The following CDH10 variants were observed in gnomAD, a reference collection of about 807,000 sequenced individuals.
CDH10 encodes cadherin 10, also known as cadherin-10.
In CDH10, 30 loss-of-function variants were observed where a neutral mutation model predicts 73.1. That is an observed-to-expected ratio of 0.41 (90% CI 0.31 to 0.56). CDH10 has a LOEUF of 0.56. Among genes scored for constraint, CDH10 ranks in the 20% least tolerant of loss-of-function variants. The pLI is 0.27. For missense variants in CDH10, 815 were observed against 973.7 expected (o/e 0.84, Z 2.17); for synonymous variants, 345 against 348.2 (o/e 0.99, Z 0.10).
chr5:24,554,311 C>A (rs1359130463), intron 2 of CDH10: 5 of 151,892 alleles, frequency 3.3e-5, no homozygotes. Context: ...TGTTAGGCAG[C>A]AATGGCTAAT....
intron 3 of CDH10, among the ~76,000 whole-genome samples, chr5:24,536,655 G>T (rs1743963706): frequency 6.6e-6 from 1 of 151,656 alleles, no homozygotes; most frequent in East Asian, 1.9e-4. Context: ...TAATTTTCTT[G>T]GCCTACAGAT....
At chr5:24,535,873 A>G (rs551173391) in intron 3 of CDH10, 51 bp from the exon 4 acceptor site, 1 of 1,418,376 alleles carries the variant, frequency 7.1e-7, no homozygotes, top group African/African-American at 1.4e-5. Context: ...AAGGAGGAGC[A>G]AAAGCACTGG....
chr5:24,637,835 AG>A (rs1316330512), intron 1 of CDH10, among the ~76,000 whole-genome samples: 5 of 151,888 alleles, frequency 3.3e-5, no homozygotes, highest in Admixed American at 2.6e-4. Context: ...AATTTCCCTA[AG>A]GGTGTTTCTG....
intron 2 of CDH10, among the ~76,000 whole-genome samples, chr5:24,583,117 T>TTG (rs1745863704): frequency 6.6e-6 from 1 of 151,752 alleles, no homozygotes; most frequent in African/African-American, 2.4e-5. Flanking sequence ...AGTGCACCCA[T>TTG]TAGAAAGAAT....
At chr5:24,508,179 C>A (rs1462525654) in intron 7 of CDH10, among the ~76,000 whole-genome samples, 1 of 152,088 alleles carries the variant, frequency 6.6e-6, no homozygotes, top group Non-Finnish European at 1.5e-5. Context: ...ATTTAGAAAA[C>A]AAATGAAATC....
chr5:24,577,649 T>A (rs189476002), intron 2 of CDH10, among the ~76,000 whole-genome samples: 206 of 152,326 alleles, frequency 1.4e-3, no homozygotes, highest in Non-Finnish European at 2.5e-3. Flanking sequence ...AGAAATTGAT[T>A]TAATTTATGA....
intron 7 of CDH10, among the ~76,000 whole-genome samples, chr5:24,507,374 T>A (rs781476685): frequency 2.8e-4 from 40 of 144,646 alleles, no homozygotes; most frequent in Non-Finnish European, 4.7e-4. Context: ...CTAAGAGTAT[T>A]ATAATATACA....
chr5:24,581,117 T>C (rs10805765), intron 2 of CDH10, among the ~76,000 whole-genome samples: 58,387 of 151,958 alleles, frequency 0.38, 13,649 homozygotes, highest in East Asian at 0.54. Flanking sequence ...GGCCATTATT[T>C]AGTCTACCAC....
intron 2 of CDH10, among the ~76,000 whole-genome samples, chr5:24,569,385 G>A (rs564765066): frequency 6.6e-6 from 1 of 152,148 alleles, no homozygotes; most frequent in South Asian, 2.1e-4. Context: ...ATATTATGCT[G>A]TGGTTGTGTA....
chr5:24,508,474 T>C (rs1307547395), intron 7 of CDH10, among the ~76,000 whole-genome samples: 3 of 152,174 alleles, frequency 2.0e-5, no homozygotes, highest in Non-Finnish European at 4.4e-5. Context: ...GGCTGTGCAT[T>C]AGGGGAGTTT....
At chr5:24,520,735 TG>T (rs143775902) in intron 5 of CDH10, among the ~76,000 whole-genome samples, 3,733 of 152,188 alleles carry the variant, frequency 0.025, 160 homozygotes, top group African/African-American at 0.083. Context: ...TTTTTTTTGT[TG>T]TTTTTTTTGA....
At chr5:24,640,533 G>GA (rs70965623) in intron 1 of CDH10, among the ~76,000 whole-genome samples, 40 of 143,632 alleles carry the variant, frequency 2.8e-4, no homozygotes, top group African/African-American at 2.3e-4. Flanking sequence ...CTACTTTCTT[G>GA]AAAAAAAAAA....
chr5:24,558,810 G>A (rs1348402427), intron 2 of CDH10, among the ~76,000 whole-genome samples: 2 of 151,792 alleles, frequency 1.3e-5, no homozygotes, highest in Admixed American at 1.3e-4. Flanking sequence ...GAATCAGGAC[G>A]TTTAATCATA....
At chr5:24,640,065 C>A (rs1747994638) in intron 1 of CDH10, among the ~76,000 whole-genome samples, 1 of 151,718 alleles carries the variant, frequency 6.6e-6, no homozygotes, top group African/African-American at 2.4e-5. Context: ...CTGTCATATA[C>A]TTTGTGCTAT....
intron 11 of CDH10, among the ~76,000 whole-genome samples, chr5:24,489,288 G>A (rs1315891229): frequency 6.6e-6 from 1 of 151,994 alleles, no homozygotes; most frequent in East Asian, 1.9e-4. Flanking sequence ...TATTAACATG[G>A]AATGCACAGA....
intron 2 of CDH10, among the ~76,000 whole-genome samples, chr5:24,572,436 G>C (rs902705887): frequency 1.1e-4 from 17 of 151,946 alleles, no homozygotes; most frequent in Admixed American, 8.5e-4. Flanking sequence ...AAAATATCAG[G>C]AGAAAAAGAC....
intron 1 of CDH10, among the ~76,000 whole-genome samples, chr5:24,619,446 GC>G (rs1747236913): frequency 6.6e-6 from 1 of 152,194 alleles, no homozygotes; most frequent in African/African-American, 2.4e-5. Context: ...GCCCGCCTCG[GC>G]CTCACAAAGT....
intron 1 of CDH10, among the ~76,000 whole-genome samples, chr5:24,627,026 C>T (rs1000799853): frequency 1.4e-4 from 21 of 151,720 alleles, no homozygotes; most frequent in African/African-American, 4.4e-4. Context: ...CCTTACCCTT[C>T]TACCCAGAAG....
intron 8 of CDH10, among the ~76,000 whole-genome samples, chr5:24,500,364 G>T (rs994744857): frequency 1.3e-5 from 2 of 152,198 alleles, no homozygotes; most frequent in African/African-American, 4.8e-5. Flanking sequence ...TTTTGCAAGA[G>T]AAAATTTAAA....
Sources: gnomAD v4.1 joint callset for allele counts (sites outside exome capture counted in the v4.1 genomes callset) on GRCh38, gnomAD v4.1.1 for gene constraint, MANE v1.5 for transcripts, NCBI Gene and HGNC (gene_info 2026-07-23, HGNC 2026-07-21) for gene names.